APBA1: variants seen among roughly 807,000 people sequenced by gnomAD.
The protein encoded by APBA1 is amyloid-beta A4 precursor protein-binding family A member 1.
Under a neutral mutation model 86.6 loss-of-function variants are expected in APBA1, and 55 were observed. The observed-to-expected ratio is 0.64, with a 90% CI of 0.51 to 0.80. APBA1 has a LOEUF of 0.80. Among genes scored for constraint, APBA1 ranks in the 30% least tolerant of loss-of-function variants. APBA1 has a pLI of 0.00. For missense variants in APBA1, 1,090 were observed against 1,183.0 expected (o/e 0.92, Z 1.15); for synonymous variants, 511 against 493.9 (o/e 1.03, Z -0.46).
Position 69,664,770 on chromosome 9 carries a change from C to T in APBA1, c.-70+7383G>A, listed in dbSNP as rs564942037. On this transcript the variant is annotated intron_variant, in intron 1 of 12. Transcript: ENST00000265381. ...AACTGAGGGCCACCCTATAACAGAG[C>T]GTATCTTACACATGAGCATATATAG... Among the ~76,000 whole-genome samples, 6 of 152,244 alleles carry T rather than the reference C, an allele frequency of 3.9e-5. No homozygotes were observed. In the South Asian group the frequency reaches 1.0e-3, roughly 26 times the overall value.
intron 2 of APBA1, among the ~76,000 whole-genome samples, chr9:69,491,371 C>T (rs1218149599): frequency 5.3e-5 from 8 of 151,872 alleles, no homozygotes; most frequent in Non-Finnish European, 1.0e-4. Flanking sequence ...AACCAAACAC[C>T]GCATGTTCTC....
At chr9:69,589,304 T>C (rs1588380808) in intron 1 of APBA1, among the ~76,000 whole-genome samples, 1 of 152,268 alleles carries the variant, frequency 6.6e-6, no homozygotes, top group Admixed American at 6.5e-5. Flanking sequence ...GCTTTGTACT[T>C]AGAAGATAAT....
rs1212042848 is a variant in APBA1 at position 69,432,555 on chromosome 9, A to T, written c.2423T>A (p.Leu808His). 1 of 1,584,486 alleles carries T rather than the reference A, an allele frequency of 6.3e-7. No individual in the cohort carries two copies. Among genetic ancestry groups the T allele is most frequent in the Non-Finnish European group, 8.6e-7 (1 of 1,165,974 alleles). ...TCCTACCTCCCCAACAGCATTGGAG[A>T]GAATGTGGACGATCTTCTCGTGGGG... ...ATPHEKIVHILSNAVGEIHMK... is the reference protein window; with the variant it reads ...ATPHEKIVHIHSNAVGEIHMK... The change falls in exon 12 of 13, where the codon CTC (leucine) becomes CAC (histidine). Residue 808 changes from leucine to histidine, a missense_variant. This residue lies in a region of APBA1 where 119 missense variants were observed against 124.8 expected (regional missense o/e 0.95). Coordinates refer to ENST00000265381, the MANE Select transcript of APBA1 (RefSeq NM_001163.4).
At chr9:69,469,887 G>A (rs1245019422) in intron 4 of APBA1, among the ~76,000 whole-genome samples, 1 of 152,158 alleles carries the variant, frequency 6.6e-6, no homozygotes, top group Non-Finnish European at 1.5e-5. Flanking sequence ...ACTTTTAAAA[G>A]TCTTCCATCT....
intron 10 of APBA1, among the ~76,000 whole-genome samples, chr9:69,446,668 T>G (rs887891629): frequency 3.9e-5 from 6 of 152,164 alleles, no homozygotes; most frequent in Non-Finnish European, 8.8e-5. Flanking sequence ...CCCACGCAGA[T>G]AAGGAAGGAG....
At chr9:69,614,704 T>C (rs1277963327) in intron 1 of APBA1, among the ~76,000 whole-genome samples, 1 of 152,184 alleles carries the variant, frequency 6.6e-6, no homozygotes, top group African/African-American at 2.4e-5. Context: ...TAAATAACTT[T>C]AAGGTCGATG....
At position 69,432,586 on chromosome 9, in the gene APBA1, C is replaced by A; in HGVS notation, c.2392G>T (p.Ala798Ser). 6.2e-7 allele frequency: 1 copy of A among 1,602,684 alleles called. No individual in the cohort carries two copies. Among genetic ancestry groups the A allele is most frequent in the Admixed American group, 1.7e-5 (1 of 58,718 alleles). Reference protein sequence around the residue: ...IIEINGQSVVATPHEKIVHIL... With the variant: ...IIEINGQSVVSTPHEKIVHIL... ...TGGACGATCTTCTCGTGGGGGGTGGCCACGACGCTCTGTCCATTGATTTCA... is the reference window on the plus strand; with the variant it reads ...TGGACGATCTTCTCGTGGGGGGTGGACACGACGCTCTGTCCATTGATTTCA... Residue 798 changes from alanine to serine, a missense_variant, in exon 12 of 13, where the codon GCC becomes TCC. By Grantham distance (99) the Ala-to-Ser change is moderately conservative. This residue lies in a region of APBA1 where 119 missense variants were observed against 124.8 expected (regional missense o/e 0.95). Coordinates refer to ENST00000265381, the MANE Select transcript of APBA1 (RefSeq NM_001163.4).
chr9:69,462,445 C>A (rs899974936), intron 5 of APBA1: 6 of 152,206 alleles, frequency 3.9e-5, no homozygotes, highest in Non-Finnish European at 8.8e-5. Context: ...TAAAGACTGA[C>A]AGCACATAGG....
intron 1 of APBA1, among the ~76,000 whole-genome samples, chr9:69,575,372 G>A (rs1254003639): frequency 6.6e-6 from 1 of 151,938 alleles, no homozygotes; most frequent in Non-Finnish European, 1.5e-5. Flanking sequence ...AGTTCATATG[G>A]AACCAAAAAA....
At chr9:69,591,889 GT>G (rs1337805919) in intron 1 of APBA1, among the ~76,000 whole-genome samples, 1 of 152,034 alleles carries the variant, frequency 6.6e-6, no homozygotes, top group African/African-American at 2.4e-5. Flanking sequence ...TCTGATTTTT[GT>G]TTTCAGAAAA....
chr9:69,620,056 A>T (rs1164456239), intron 1 of APBA1, among the ~76,000 whole-genome samples: 2 of 152,228 alleles, frequency 1.3e-5, no homozygotes, highest in Admixed American at 6.5e-5. Context: ...TCTTCCCTTA[A>T]CATCTTGGTC....
intron 1 of APBA1, among the ~76,000 whole-genome samples, chr9:69,528,134 A>G (rs1182845966): frequency 2.6e-5 from 4 of 152,180 alleles, no homozygotes; most frequent in Middle Eastern, 3.2e-3. Flanking sequence ...GAGAAAATAA[A>G]AGGACAGAAG....
intron 1 of APBA1, among the ~76,000 whole-genome samples, chr9:69,559,620 C>A (rs1380172673): frequency 6.6e-6 from 1 of 152,042 alleles, no homozygotes; most frequent in Admixed American, 6.6e-5. Context: ...AATTCTGGGT[C>A]GACGGTTATT....
chr9:69,470,830 G>A (rs1835355779), intron 4 of APBA1, among the ~76,000 whole-genome samples: 2 of 152,196 alleles, frequency 1.3e-5, no homozygotes, highest in African/African-American at 4.8e-5. Context: ...AATGAGAAAT[G>A]ATGCCTGATT....
rs149995729 is a variant in APBA1 at position 69,517,037 on chromosome 9, C to T, written c.174G>A (p.Glu58=). The change falls in exon 2 of 13, where the codon GAG becomes GAA. Residue 58 remains glutamate (E), a synonymous_variant. Coordinates refer to ENST00000265381, the MANE Select transcript of APBA1 (RefSeq NM_001163.4). ...VGRHQRGRAL[E]DLRAQLGQEE... Reference sequence around the variant, plus strand: ...CCTGGCCGAGCTGGGCGCGGAGGTCCTCGAGGGCTCGCCCGCGCTGGTGGC... The same window carrying T: ...CCTGGCCGAGCTGGGCGCGGAGGTCTTCGAGGGCTCGCCCGCGCTGGTGGC... The T allele has an allele frequency of 0.012, 19,368 of 1,579,458 alleles. 171 individuals are homozygous for T. Among genetic ancestry groups the T allele is most frequent in the Middle Eastern group, 0.034 (202 of 5,994 alleles).
intron 1 of APBA1, among the ~76,000 whole-genome samples, chr9:69,644,131 T>C (rs1823345782): frequency 6.6e-6 from 1 of 152,212 alleles, no homozygotes; most frequent in Non-Finnish European, 1.5e-5. Context: ...CATGATCATG[T>C]ATATTTACTT....
chr9:69,512,442 T>C (rs1466591163), intron 2 of APBA1, among the ~76,000 whole-genome samples: 2 of 152,230 alleles, frequency 1.3e-5, no homozygotes, highest in African/African-American at 2.4e-5. Flanking sequence ...GGCTGACAAA[T>C]GGCAATACAG....
At chr9:69,512,044 G>A (rs1328614314) in intron 2 of APBA1, among the ~76,000 whole-genome samples, 3 of 150,752 alleles carry the variant, frequency 2.0e-5, no homozygotes, top group Admixed American at 1.3e-4. Context: ...TGCACAATGT[G>A]CACATGTACC....
chr9:69,646,011 A>T (rs1823383964), intron 1 of APBA1, among the ~76,000 whole-genome samples: 1 of 152,262 alleles, frequency 6.6e-6, no homozygotes, highest in Non-Finnish European at 1.5e-5. Flanking sequence ...TATCACATGG[A>T]TAGACATACT....
Sources: gnomAD v4.1 joint callset for allele counts (sites outside exome capture counted in the v4.1 genomes callset) on GRCh38, gnomAD v4.1.1 for gene constraint, gnomAD v4.1.1 regional missense constraint, MANE v1.5 for transcripts, NCBI Gene and HGNC (gene_info 2026-07-23, HGNC 2026-07-21) for gene names.